EPS8: variants seen among roughly 807,000 people sequenced by gnomAD.
EPS8 encodes epidermal growth factor receptor kinase substrate 8.
EPS8 carries 42 observed loss-of-function variants against 103.8 expected under a neutral mutation model. The ratio of observed to expected loss-of-function variants is 0.40; its 90% CI spans 0.32 to 0.52. EPS8 has a LOEUF of 0.52. Among genes scored for constraint, EPS8 ranks in the 20% least tolerant of loss-of-function variants. The probability of loss-of-function intolerance (pLI) is 0.40; values close to 1 mark genes in which losing one functional copy is unlikely to be tolerated. For synonymous variants in EPS8, 344 were observed against 344.6 expected, an observed-to-expected ratio of 1.00 and a Z score of 0.02; for missense variants, 969 against 1,005.1, an observed-to-expected ratio of 0.96 and a Z score of 0.49.
intron 1 of EPS8, among the ~76,000 whole-genome samples, chr12:15,724,785 A>C (rs1264156324): frequency 6.6e-6 from 1 of 152,170 alleles, no homozygotes; most frequent in Non-Finnish European, 1.5e-5. Context: ...GCCACCATGT[A>C]AGACATGCCT....
At chr12:15,640,869 G>A in intron 16 of EPS8, 23 bp from the exon 17 acceptor site, 1 of 1,606,546 alleles carries the variant, frequency 6.2e-7, no homozygotes, top group Non-Finnish European at 8.5e-7. Context: ...AGAAAATAAA[G>A]GTATAATTTC....
intron 15 of EPS8, among the ~76,000 whole-genome samples, chr12:15,646,231 C>T (rs1945317113): frequency 6.6e-6 from 1 of 152,156 alleles, no homozygotes; most frequent in Admixed American, 6.5e-5. Context: ...ATTACTTAAG[C>T]ATTACCTGTC....
chr12:15,779,201 C>T lies in EPS8; in HGVS notation c.-22+9960G>A, dbSNP rs558170731. Among the ~76,000 whole-genome samples the T allele has an allele frequency of 6.6e-6, 1 of 152,328 alleles. No individual in the cohort carries two copies. Among genetic ancestry groups the T allele is most frequent in the Admixed American group, 6.5e-5 (1 of 15,302 alleles). The stretch of plus-strand genomic sequence containing the variant: ...CTATGTTTGTCAGGCTGGTCTCGAA[C>T]TCCCAAACTCAGGTGATCCGCCTGC... On this transcript the variant is annotated intron_variant, in intron 1 of 20. Transcript: ENST00000281172. This position sits in a 1 kb window ranked among gnomAD's most constrained non-coding sequence, Gnocchi z 4.3.
intron 18 of EPS8, 87 bp from the exon 19 acceptor site, chr12:15,624,494 C>A: frequency 1.5e-5 from 15 of 996,322 alleles, no homozygotes; most frequent in Non-Finnish European, 2.2e-5. Context: ...TAATCCTTGA[C>A]CCCAGTAGGA....
intron 1 of EPS8, chr12:15,712,919 G>A (rs994826414): frequency 2.0e-6 from 2 of 985,104 alleles, no homozygotes; most frequent in African/African-American, 3.5e-5. Flanking sequence ...ATTCCACTCA[G>A]TTTACTTATG....
rs567987558 is a variant in EPS8 at position 15,785,539 on chromosome 12, T to A, written c.-22+3622A>T. Among the ~76,000 whole-genome samples the A allele has an allele frequency of 3.3e-5, 5 of 152,250 alleles. No individual in the cohort carries two copies. In the East Asian group the frequency reaches 9.6e-4, roughly 29 times the overall value. Reference sequence around the variant, plus strand: ...ATGTAAATTCATAGTTAAACATGGATACAAACTGTTACATAAAAATATGTA... The same window carrying A: ...ATGTAAATTCATAGTTAAACATGGAAACAAACTGTTACATAAAAATATGTA... On this transcript the variant is annotated intron_variant, in intron 1 of 20. Coordinates refer to ENST00000281172, the MANE Select transcript of EPS8 (RefSeq NM_004447.6). This position sits in a 1 kb window ranked among gnomAD's most constrained non-coding sequence, Gnocchi z 4.9.
intron 17 of EPS8, chr12:15,634,765 A>T (rs551630711): frequency 2.5e-6 from 1 of 398,740 alleles, no homozygotes; most frequent in African/African-American, 2.1e-5. Context: ...AGTAATTGCT[A>T]TTAGGAAAAT....
rs540540196 is a variant in EPS8 at position 15,693,408 on chromosome 12, G to A, written c.-21-10436C>T. On this transcript the variant is annotated intron_variant, in intron 1 of 20. Transcript: ENST00000281172. The surrounding 1 kb of genome is among the most constrained non-coding windows in gnomAD (Gnocchi z 5.6). ...TAAACTACTGGTTTTACTGGAGTGT[G>A]AGGAGGCATCTGGGATCCAAGTTCA... is the stretch of plus-strand genomic sequence containing the variant. Among the ~76,000 whole-genome samples, 1 of 152,328 alleles carries A rather than the reference G, an allele frequency of 6.6e-6. No individual in the cohort carries two copies. Among genetic ancestry groups the A allele is most frequent in the South Asian group, 2.1e-4 (1 of 4,822 alleles).
At chr12:15,677,864 G>A (rs1396380435) in intron 3 of EPS8, among the ~76,000 whole-genome samples, 1 of 152,116 alleles carries the variant, frequency 6.6e-6, no homozygotes, top group African/African-American at 2.4e-5. Flanking sequence ...ATGGATGAAT[G>A]ACAAGGGAGA....
rs183684399 is a variant in EPS8 at position 15,646,801 on chromosome 12, G to A, written c.1568+326C>T. Among the ~76,000 whole-genome samples the A allele has an allele frequency of 4.7e-3, 717 of 152,310 alleles. 3 individuals are homozygous for A. The highest frequency in any genetic ancestry group is 6.2e-3 in the Non-Finnish European group (423 of 68,018). ...TCTTTAAAAGCTACAGAACTGGAAG[G>A]ATCCTCAGAGACCATCTGGTACAAA... On this transcript the variant is annotated intron_variant, in intron 15 of 20. Transcript: ENST00000281172.
At chr12:15,708,615 T>C (rs1946420153) in intron 1 of EPS8, among the ~76,000 whole-genome samples, 2 of 152,102 alleles carry the variant, frequency 1.3e-5, no homozygotes, top group Non-Finnish European at 2.9e-5. Flanking sequence ...TTGGGTGAAA[T>C]TTTCTGTGCA....
chr12:15,669,248 A>T (rs1015790630), intron 6 of EPS8, 139 bp downstream of exon 6: 4 of 642,364 alleles, frequency 6.2e-6, no homozygotes, highest in Non-Finnish European at 1.0e-5. Context: ...GAAGATACTA[A>T]GGTATTTGTT....
chr12:15,647,349 T>TGTGATAAG, intron 14 of EPS8, 89 bp from the exon 15 acceptor site: 1 of 1,155,102 alleles, frequency 8.7e-7, no homozygotes, highest in Non-Finnish European at 1.2e-6. Flanking sequence ...TCAACTATAT[T>TGTGATAAG]GTGATAAGTT....
chr12:15,653,347 C>A (rs1207842452), intron 13 of EPS8, among the ~76,000 whole-genome samples: 1 of 152,180 alleles, frequency 6.6e-6, no homozygotes, highest in African/African-American at 2.4e-5. Flanking sequence ...GAACCACACT[C>A]TAACTCTTTA....
rs562142607 is a variant in EPS8 at position 15,735,119 on chromosome 12, G to C, written c.-21-52147C>G. Among the ~76,000 whole-genome samples the C allele has an allele frequency of 5.3e-5, 8 of 152,226 alleles. No homozygotes were observed. Among genetic ancestry groups the C allele is most frequent in the Non-Finnish European group, 8.8e-5 (6 of 68,008 alleles). On this transcript the variant is annotated intron_variant, in intron 1 of 20. Coordinates refer to ENST00000281172, the MANE Select transcript of EPS8 (RefSeq NM_004447.6). This position sits in a 1 kb window ranked among gnomAD's most constrained non-coding sequence, Gnocchi z 4.4. ...ACATGCAAATGACAAAGTTTCCAAA[G>C]AAACAGTAGACTGATTTAAGTATAC...
At chr12:15,739,882 C>G (rs2136004389) in intron 1 of EPS8, among the ~76,000 whole-genome samples, 1 of 152,248 alleles carries the variant, frequency 6.6e-6, no homozygotes, top group South Asian at 2.1e-4. Flanking sequence ...TTCAAAGAAG[C>G]CTCTAAAGGT....
rs1010848532 is a variant in EPS8 at position 15,734,367 on chromosome 12, G to A, written c.-21-51395C>T. Among the ~76,000 whole-genome samples, 1 of 152,084 alleles carries A rather than the reference G, an allele frequency of 6.6e-6. No homozygotes were observed. The highest frequency in any genetic ancestry group is 1.5e-5 in the Non-Finnish European group (1 of 68,022). ...TTTTACTACTGTTCCAGGGGCATTA[G>A]GCTACAATAACATTCAAAAGTTTCA... On this transcript the variant is annotated intron_variant, in intron 1 of 20. Coordinates refer to ENST00000281172, the MANE Select transcript of EPS8 (RefSeq NM_004447.6). This position sits in a 1 kb window ranked among gnomAD's most constrained non-coding sequence, Gnocchi z 4.1.
intron 1 of EPS8, among the ~76,000 whole-genome samples, chr12:15,692,131 C>T (rs1026518963): frequency 8.5e-5 from 13 of 152,118 alleles, no homozygotes; most frequent in African/African-American, 3.1e-4. Context: ...TTCCTGGATC[C>T]TGGACCTCCC....
chr12:15,627,312 C>CA (rs1944965752), intron 18 of EPS8, among the ~76,000 whole-genome samples: 1 of 151,904 alleles, frequency 6.6e-6, no homozygotes, highest in African/African-American at 2.4e-5. Context: ...CCAACTTAAT[C>CA]GTTTTTTAAC....
Sources: gnomAD v4.1 joint callset for allele counts (sites outside exome capture counted in the v4.1 genomes callset) on GRCh38, gnomAD v4.1.1 for gene constraint, Gnocchi (gnomAD v3.1) non-coding constraint, MANE v1.5 for transcripts, NCBI Gene and HGNC (gene_info 2026-07-23, HGNC 2026-07-21) for gene names.